ANK3: variants seen among roughly 807,000 people sequenced by gnomAD.
The protein encoded by ANK3 is ankyrin-3.
A neutral mutation model predicts 370.9 loss-of-function variants in ANK3; 57 were observed. The observed-to-expected ratio is 0.15, with a 90% CI of 0.12 to 0.19. The LOEUF (loss-of-function observed/expected upper bound fraction) is 0.19, where lower values mean the gene tolerates loss of function less well. Among genes scored for constraint, ANK3 ranks in the 10% least tolerant of loss-of-function variants. ANK3 has a pLI of 1.00. For synonymous variants in ANK3, 1,929 were observed against 1,946.3 expected (o/e 0.99, Z 0.23); for missense variants, 4,439 against 5,302.1 (o/e 0.84, Z 5.06).
intron 1 of ANK3, among the ~76,000 whole-genome samples, chr10:60,649,667 C>A (rs1423799422): frequency 1.3e-5 from 2 of 152,216 alleles, no homozygotes; most frequent in East Asian, 3.9e-4. Flanking sequence ...CCCTAGGAGG[C>A]CCCTGAAGGT....
chr10:60,594,092 T>TAA (rs2133296439), intron 2 of ANK3, among the ~76,000 whole-genome samples: 1 of 152,320 alleles, frequency 6.6e-6, no homozygotes, highest in South Asian at 2.1e-4. Flanking sequence ...ATTAAAGAAT[T>TAA]ATCTGTTTTA....
intron 7 of ANK3, among the ~76,000 whole-genome samples, chr10:60,236,015 T>A (rs922287335): frequency 3.9e-5 from 6 of 152,190 alleles, no homozygotes; most frequent in Non-Finnish European, 7.3e-5. Context: ...TGCATGATTT[T>A]AAAAAACACA....
chr10:60,545,224 T>C (rs1311023933), intron 2 of ANK3, among the ~76,000 whole-genome samples: 1 of 151,604 alleles, frequency 6.6e-6, no homozygotes, highest in African/African-American at 2.4e-5. Context: ...GAAGAAGAGA[T>C]GGAAGCCAAA....
chr10:60,385,905 C>T (rs2062206392), intron 1 of ANK3, among the ~76,000 whole-genome samples: 2 of 152,170 alleles, frequency 1.3e-5, no homozygotes, highest in Admixed American at 6.5e-5. Context: ...CTAGTAATAT[C>T]CCTCACTGTT....
At chr10:60,664,204 AAAG>A (rs537921876) in intron 1 of ANK3, among the ~76,000 whole-genome samples, 11 of 152,346 alleles carry the variant, frequency 7.2e-5, no homozygotes, top group South Asian at 4.1e-4. Context: ...TCGGATGAAT[AAAG>A]AAGAAGAACT....
At chr10:60,441,992 T>C (rs988946517) in intron 2 of ANK3, among the ~76,000 whole-genome samples, 19 of 152,090 alleles carry the variant, frequency 1.2e-4, no homozygotes. Flanking sequence ...AACCACGAGA[T>C]TGGTTTCAGG....
intron 1 of ANK3, among the ~76,000 whole-genome samples, chr10:60,669,973 G>A (rs1789695404): frequency 6.6e-6 from 1 of 152,110 alleles, no homozygotes; most frequent in African/African-American, 2.4e-5. Flanking sequence ...CAGGTGCAAG[G>A]CACCATGCCC....
chr10:60,626,672 A>T (rs2078414708), intron 1 of ANK3, among the ~76,000 whole-genome samples: 1 of 152,146 alleles, frequency 6.6e-6, no homozygotes, highest in Non-Finnish European at 1.5e-5. Flanking sequence ...TTCTTCCAAA[A>T]CATTGAGCCT....
At chr10:60,629,372 A>G (rs2078452529) in intron 1 of ANK3, among the ~76,000 whole-genome samples, 1 of 152,194 alleles carries the variant, frequency 6.6e-6, no homozygotes, top group South Asian at 2.1e-4. Context: ...AACAAGCATC[A>G]TATTTAAAAT....
At chr10:60,693,332 C>T (rs571234798) in intron 1 of ANK3, among the ~76,000 whole-genome samples, 2 of 152,330 alleles carry the variant, frequency 1.3e-5, no homozygotes, top group East Asian at 1.9e-4. Context: ...GAGGGGCGCC[C>T]GCCATTGCCC....
chr10:60,272,198 C>G (rs1188117337), intron 4 of ANK3, among the ~76,000 whole-genome samples: 1 of 151,258 alleles, frequency 6.6e-6, no homozygotes, highest in Non-Finnish European at 1.5e-5. Context: ...GAGTGAAATT[C>G]AAAGGGAGTT....
intron 17 of ANK3, 27 bp from the exon 18 acceptor site, chr10:60,181,454 A>G (rs746649874): frequency 1.3e-6 from 2 of 1,597,322 alleles, no homozygotes; most frequent in Non-Finnish European, 8.6e-7. Flanking sequence ...GGGCACAGTC[A>G]TCGTACAGGA....
chr10:60,722,483 C>T (rs2079877885), intron 1 of ANK3, among the ~76,000 whole-genome samples: 1 of 151,942 alleles, frequency 6.6e-6, no homozygotes, highest in Admixed American at 6.6e-5. Context: ...AATTAATTGC[C>T]AAAACCTCAA....
chr10:60,306,960 C>T (rs1223699376), intron 1 of ANK3, among the ~76,000 whole-genome samples: 3 of 152,038 alleles, frequency 2.0e-5, no homozygotes, highest in Non-Finnish European at 4.4e-5. Context: ...AAACTTCTGG[C>T]CTCAAGCGAT....
intron 2 of ANK3, among the ~76,000 whole-genome samples, chr10:60,597,564 C>T (rs929028083): frequency 7.2e-5 from 11 of 152,226 alleles, no homozygotes; most frequent in South Asian, 4.2e-4. Flanking sequence ...TGTCATTTCC[C>T]GCCTCCTTCA....
intron 8 of ANK3, among the ~76,000 whole-genome samples, chr10:60,232,940 T>C (rs1352701176): frequency 6.6e-6 from 1 of 152,188 alleles, no homozygotes; most frequent in Non-Finnish European, 1.5e-5. Flanking sequence ...AGTTTTAGGA[T>C]CATGGAATCA....
At position 60,035,756 on chromosome 10, in the gene ANK3, G is replaced by C. The variant is rs143073183; in HGVS notation, c.*20-5930C>G. Among the ~76,000 whole-genome samples, 723 of 151,474 alleles carry C rather than the reference G, an allele frequency of 4.8e-3. 7 individuals carry two copies. The highest frequency in any genetic ancestry group is 0.017 in the African/African-American group (700 of 41,402). ...TATAATCCCAGCACTTTGGGATGCT[G>C]AGGCAGGCAGATTACCTGAGGTCGG... is the stretch of plus-strand genomic sequence containing the variant. On this transcript the variant is annotated intron_variant, in intron 43 of 43. Transcript: ENST00000280772.
intron 1 of ANK3, among the ~76,000 whole-genome samples, chr10:60,689,439 A>T (rs2079317407): frequency 6.6e-6 from 1 of 152,072 alleles, no homozygotes; most frequent in Non-Finnish European, 1.5e-5. Context: ...ATCAAATGAA[A>T]TCACTTACAG....
chr10:60,510,949 C>T (rs1478999644), intron 2 of ANK3, among the ~76,000 whole-genome samples: 1 of 152,158 alleles, frequency 6.6e-6, no homozygotes, highest in Non-Finnish European at 1.5e-5. Context: ...CTGCCTGCTT[C>T]CATTTGACTG....
Sources: gnomAD v4.1 joint callset for allele counts (sites outside exome capture counted in the v4.1 genomes callset) on GRCh38, gnomAD v4.1.1 for gene constraint, MANE v1.5 for transcripts, NCBI Gene and HGNC (gene_info 2026-07-23, HGNC 2026-07-21) for gene names.